The following BSDC1 variants were observed in gnomAD, a reference collection of about 807,000 sequenced individuals.
BSDC1 encodes the protein BSD domain-containing protein 1.
Under a neutral mutation model 56.0 loss-of-function variants are expected in BSDC1, and 29 were observed. That is an observed-to-expected ratio of 0.52 (90% CI 0.39 to 0.71). The LOEUF (loss-of-function observed/expected upper bound fraction) is 0.71, where lower values mean the gene tolerates loss of function less well. Ranked by LOEUF, BSDC1 falls within the 30% of genes least tolerant of loss-of-function variation. BSDC1 has a pLI of 0.00. For missense variants in BSDC1, 477 were observed against 548.5 expected (o/e 0.87, Z 1.30); for synonymous variants, 210 against 215.3 (o/e 0.98, Z 0.21).
At chr1:32,375,199 G>A (rs917107204) in intron 9 of BSDC1, among the ~76,000 whole-genome samples, 1 of 151,992 alleles carries the variant, frequency 6.6e-6, no homozygotes, top group African/African-American at 2.4e-5. Context: ...TGACCTCATT[G>A]ATCAAAGTCA....
In BSDC1 at chr1:32,365,092, C is replaced by G. The variant is rs547781443; in HGVS notation, c.*1530G>C. 1.3e-5 allele frequency: 2 copies of G among 152,300 alleles called. No homozygotes were observed. The highest frequency in any genetic ancestry group is 3.9e-4 in the East Asian group (2 of 5,182). 9.4% of individuals were successfully genotyped at this position (152,300 alleles called of 1,614,324 possible). A position where few individuals can be genotyped will look rare whatever the true frequency, so the allele number is the denominator to read the frequency against. On this transcript the variant is annotated 3_prime_UTR_variant, in exon 11 of 11. Coordinates refer to ENST00000455895, the MANE Select transcript of BSDC1 (RefSeq NM_018045.8). ...AGCTGCCAAGGGGACAAAAACAGAC[C>G]CCCAGACACCTTTCAGCTTCGGGTG...
intron 3 of BSDC1, among the ~76,000 whole-genome samples, chr1:32,384,730 G>A (rs930530661): frequency 2.0e-5 from 3 of 152,088 alleles, no homozygotes; most frequent in African/African-American, 4.8e-5. Flanking sequence ...ATAGGGTGCT[G>A]AGAAAAGGGT....
chr1:32,375,990 C>G (rs1464095920), intron 9 of BSDC1, among the ~76,000 whole-genome samples: 1 of 152,074 alleles, frequency 6.6e-6, no homozygotes, highest in African/African-American at 2.4e-5. Flanking sequence ...AAATTAGGTG[C>G]CATATAACAT....
intron 9 of BSDC1, among the ~76,000 whole-genome samples, chr1:32,369,597 G>A (rs566632957): frequency 8.5e-5 from 13 of 152,262 alleles, no homozygotes; most frequent in African/African-American, 2.9e-4. Context: ...TGTTCCTCCA[G>A]AAACATACCA....
In BSDC1 at chr1:32,378,170, T is replaced by TC; in HGVS notation, c.597+44dup. 1 of 1,610,086 alleles carries TC rather than the reference T, an allele frequency of 6.2e-7. No individual in the cohort carries two copies. The highest frequency in any genetic ancestry group is 8.5e-7 in the Non-Finnish European group (1 of 1,176,428). Reference sequence around the variant, plus strand: ...CTTCTCTCAATAAATCCAGCCTGCTTCCCCCAGGGTTGAGTGGGGACCTCC... The same window carrying TC: ...CTTCTCTCAATAAATCCAGCCTGCTTCCCCCCAGGGTTGAGTGGGGACCTCC... On this transcript the variant is annotated intron_variant, in intron 7 of 10. Coordinates refer to ENST00000455895, the MANE Select transcript of BSDC1 (RefSeq NM_018045.8). This position sits in a 1 kb window ranked among gnomAD's most constrained non-coding sequence, Gnocchi z 5.2.
chr1:32,371,896 A>AT (rs1422646503), intron 9 of BSDC1, among the ~76,000 whole-genome samples: 3 of 152,144 alleles, frequency 2.0e-5, no homozygotes, highest in African/African-American at 4.8e-5. Flanking sequence ...CTATTTATAA[A>AT]ATATGGATAA....
rs755703076 is a variant in BSDC1, at chr1:32,368,489, C to T, written c.1218G>A (p.Glu406=). Residue 406 remains glutamate (E), a synonymous_variant, in exon 10 of 11, where the codon GAG becomes GAA. Coordinates refer to ENST00000455895, the MANE Select transcript of BSDC1 (RefSeq NM_018045.8). ...EKDFDLDMTE[E]EVQMALSKVD... is the part of the protein sequence containing the mutation. Reference sequence around the variant, plus strand: ...CTTTGGAAAGTGCCATCTGCACCTCCTCTTCAGTCATGTCCAAGTCAAAGT... The same window carrying T: ...CTTTGGAAAGTGCCATCTGCACCTCTTCTTCAGTCATGTCCAAGTCAAAGT... 6.2e-6 allele frequency: 10 copies of T among 1,614,206 alleles called. No homozygotes were observed. The highest frequency in any genetic ancestry group is 4.4e-5 in the South Asian group (4 of 91,080).
At chr1:32,383,803 T>C in intron 4 of BSDC1, 27 bp downstream of exon 4, 2 of 1,607,186 alleles carry the variant, frequency 1.2e-6, no homozygotes, top group Non-Finnish European at 1.7e-6. Context: ...ATGTTAGGCA[T>C]CTGCAGGGGA....
In BSDC1 at chr1:32,366,639, A is replaced by G; in HGVS notation, c.1276T>C (p.Trp426Arg). 1 of 1,473,534 alleles carries G rather than the reference A, an allele frequency of 6.8e-7. No homozygotes were observed. Among genetic ancestry groups the G allele is most frequent in the Non-Finnish European group, 9.0e-7 (1 of 1,109,092 alleles). The allele number at this position is 1,473,534 out of a possible 1,614,324, so 91.3% of individuals were successfully genotyped here. ...TGGCTCCCTCACTCCCAGTCCTCCCACTCTACATCTTCCAGCTGCAAATGG... is the reference window on the plus strand; with the variant it reads ...TGGCTCCCTCACTCCCAGTCCTCCCGCTCTACATCTTCCAGCTGCAAATGG... ...DASGELEDVE[W>R]EDWE The change falls in exon 11 of 11, where the codon TGG becomes CGG. Residue 426 changes from tryptophan to arginine, a missense_variant. By Grantham distance (101) the Trp-to-Arg change is moderately radical. Transcript: ENST00000455895.
At chr1:32,391,611 C>T (rs1056561934) in intron 2 of BSDC1, among the ~76,000 whole-genome samples, 2 of 152,112 alleles carry the variant, frequency 1.3e-5, no homozygotes, top group Non-Finnish European at 2.9e-5. Context: ...TGTATGCACA[C>T]GTATTTGTGT....
At chr1:32,368,699 A>C (rs992597438) in intron 9 of BSDC1, 149 bp from the exon 10 acceptor site, 53 of 1,191,452 alleles carry the variant, frequency 4.4e-5, no homozygotes, top group Non-Finnish European at 5.7e-5. Context: ...CACCAATCGT[A>C]CTTTTTTTTT....
chr1:32,376,225 C>A (rs113956658), intron 9 of BSDC1, 37 bp downstream of exon 9: 5 of 1,423,850 alleles, frequency 3.5e-6, no homozygotes, highest in Non-Finnish European at 4.6e-6. Context: ...TGGCCCTGAC[C>A]GCACACAACC....
chr1:32,377,811 T>C (rs1642346108), intron 8 of BSDC1, among the ~76,000 whole-genome samples, 159 bp downstream of exon 8: 1 of 152,174 alleles, frequency 6.6e-6, no homozygotes, highest in Non-Finnish European at 1.5e-5. Context: ...TTGTTCAATA[T>C]CCCCTTGTTA....
At position 32,378,406 on chromosome 1, in the gene BSDC1, A is replaced by G; in HGVS notation, c.529-123T>C. 6.3e-6 allele frequency: 6 copies of G among 952,826 alleles called. No individual in the cohort carries two copies. Among genetic ancestry groups the G allele is most frequent in the Non-Finnish European group, 9.8e-6 (6 of 610,168 alleles). 59.0% of individuals were successfully genotyped at this position (952,826 alleles called of 1,614,324 possible). Reference sequence around the variant, plus strand: ...AGACCCAGTAAGTGGCTTAGCAGTGACAGTCAGAGCACTTCCACCCCCACC... The same window carrying G: ...AGACCCAGTAAGTGGCTTAGCAGTGGCAGTCAGAGCACTTCCACCCCCACC... On this transcript the variant is annotated intron_variant, in intron 6 of 10. Coordinates refer to ENST00000455895, the MANE Select transcript of BSDC1 (RefSeq NM_018045.8). This position sits in a 1 kb window ranked among gnomAD's most constrained non-coding sequence, Gnocchi z 5.2.
In BSDC1 at chr1:32,378,875, G is replaced by A. The variant is rs767012987; in HGVS notation, c.413-36C>T. ...ACAGATGCTGACGGTCAGTTGCCTTGGTCTGGGAAAAGAACACTGGGCTTA... is the reference window on the plus strand; with the variant it reads ...ACAGATGCTGACGGTCAGTTGCCTTAGTCTGGGAAAAGAACACTGGGCTTA... On this transcript the variant is annotated intron_variant, in intron 5 of 10. Transcript: ENST00000455895. The surrounding 1 kb of genome is among the most constrained non-coding windows in gnomAD (Gnocchi z 5.2). 7.3e-7 allele frequency: 1 copy of A among 1,372,596 alleles called. No homozygotes were observed. The highest frequency in any genetic ancestry group is 9.7e-7 in the Non-Finnish European group (1 of 1,031,214). The allele number at this position is 1,372,596 out of a possible 1,614,324, so 85.0% of individuals were successfully genotyped here.
chr1:32,366,905 C>A, intron 10 of BSDC1: 1 of 1,231,142 alleles, frequency 8.1e-7, no homozygotes, highest in Non-Finnish European at 1.0e-6. Flanking sequence ...CCAACCAACA[C>A]CAGACACCAC....
rs775462686 is a variant in BSDC1, at chr1:32,394,384, G to A, written c.11+20C>T. 8 of 1,613,898 alleles carry A rather than the reference G, an allele frequency of 5.0e-6. No homozygotes were observed. Among genetic ancestry groups the A allele is most frequent in the Non-Finnish European group, 6.8e-6 (8 of 1,180,018 alleles). On this transcript the variant is annotated intron_variant, in intron 1 of 10. Coordinates refer to ENST00000455895, the MANE Select transcript of BSDC1 (RefSeq NM_018045.8). Reference sequence around the variant, plus strand: ...GGAGAATTCAGGCCCCAACGCCTAGGAGCAAAACGACAAGCTCACCCTTCC... The same window carrying A: ...GGAGAATTCAGGCCCCAACGCCTAGAAGCAAAACGACAAGCTCACCCTTCC...
intron 5 of BSDC1, among the ~76,000 whole-genome samples, chr1:32,380,085 TA>T (rs1328278438): frequency 2.0e-5 from 3 of 152,206 alleles, no homozygotes. Context: ...AATAGATTTG[TA>T]AAGGCCTTTG....
chr1:32,387,003 C>G, intron 2 of BSDC1, 108 bp from the exon 3 acceptor site: 1 of 836,630 alleles, frequency 1.2e-6, no homozygotes. Flanking sequence ...TCTCCAGCGG[C>G]AGGGGAGCTT....
Sources: gnomAD v4.1 joint callset for allele counts (sites outside exome capture counted in the v4.1 genomes callset) on GRCh38, gnomAD v4.1.1 for gene constraint, Gnocchi (gnomAD v3.1) non-coding constraint, MANE v1.5 for transcripts, NCBI Gene and HGNC (gene_info 2026-07-23, HGNC 2026-07-21) for gene names.